Variants in RPTOR observed in about 807,000 individuals in gnomAD.
RPTOR encodes the protein regulatory associated protein of MTOR complex 1.
Under a neutral mutation model 169.9 loss-of-function variants are expected in RPTOR, and 21 were observed. The observed-to-expected ratio is 0.12, with a 90% CI of 0.09 to 0.18. RPTOR has a LOEUF of 0.18. Among genes scored for constraint, RPTOR ranks in the 10% least tolerant of loss-of-function variants. The probability of loss-of-function intolerance (pLI) is 1.00; values close to 1 mark genes in which losing one functional copy is unlikely to be tolerated. For synonymous variants in RPTOR, 732 were observed against 753.2 expected (o/e 0.97, Z 0.46); for missense variants, 1,133 against 1,855.9 (o/e 0.61, Z 7.16).
chr17:80,963,284 G>C (rs1051954051), intron 33 of RPTOR, among the ~76,000 whole-genome samples: 1 of 152,062 alleles, frequency 6.6e-6, no homozygotes, highest in Non-Finnish European at 1.5e-5. Flanking sequence ...GGGAGGAATT[G>C]ACACACAGTG....
chr17:80,597,251 A>G (rs2065150942), intron 1 of RPTOR, among the ~76,000 whole-genome samples: 1 of 152,160 alleles, frequency 6.6e-6, no homozygotes, highest in South Asian at 2.1e-4. Context: ...GGACTTGAAG[A>G]AGGCTGAGAG....
chr17:80,897,829 G>A (rs1458047183), intron 20 of RPTOR, among the ~76,000 whole-genome samples: 1 of 152,160 alleles, frequency 6.6e-6, no homozygotes, highest in Non-Finnish European at 1.5e-5. Flanking sequence ...GGCAGCAGAG[G>A]TTGCAGTGAG....
At chr17:80,870,879 A>G (rs1193485720) in intron 13 of RPTOR, among the ~76,000 whole-genome samples, 12 of 152,366 alleles carry the variant, frequency 7.9e-5, no homozygotes, top group African/African-American at 2.4e-4. Context: ...ACAACAGTCA[A>G]TGAACTTATG....
intron 7 of RPTOR, among the ~76,000 whole-genome samples, chr17:80,794,777 G>A (rs1257054521): frequency 6.6e-6 from 1 of 152,232 alleles, no homozygotes; most frequent in Non-Finnish European, 1.5e-5. Context: ...GTTCCCAGAA[G>A]TATCACACTA....
At chr17:80,709,045 A>C in intron 4 of RPTOR, 1 of 985,432 alleles carries the variant, frequency 1.0e-6, no homozygotes, top group Non-Finnish European at 1.2e-6. Context: ...GTGTGGGCCC[A>C]GAGCAGAGAC....
intron 7 of RPTOR, among the ~76,000 whole-genome samples, chr17:80,808,157 G>A (rs1451221941): frequency 6.6e-6 from 1 of 152,018 alleles, no homozygotes; most frequent in African/African-American, 2.4e-5. Flanking sequence ...AGGCATGATG[G>A]TGTGCACCTG....
At chr17:80,723,427 G>T (rs1317470930) in intron 4 of RPTOR, among the ~76,000 whole-genome samples, 1 of 151,050 alleles carries the variant, frequency 6.6e-6, no homozygotes, top group Non-Finnish European at 1.5e-5. Flanking sequence ...TTATTTACTT[G>T]GTTGTTTGTT....
At position 80,925,384 on chromosome 17, in the gene RPTOR, G is replaced by A. The variant is rs181542338; in HGVS notation, c.2823G>A (p.Ala941=). 3.1e-5 allele frequency: 50 copies of A among 1,613,646 alleles called. No homozygotes were observed. Among genetic ancestry groups the A allele is most frequent in the African/African-American group, 2.5e-4 (19 of 75,046 alleles). Residue 941 remains alanine, a synonymous_variant, in exon 24 of 34, where the codon GCG becomes GCA. Transcript: ENST00000306801. ...DKGPEQTADD[A]DDAAGHKSFI... Reference sequence around the variant, plus strand: ...AAACCCTGAAGACTGCGGACGACGCGGACGATGCTGCTGGACACAAAAGTT... The same window carrying A: ...AAACCCTGAAGACTGCGGACGACGCAGACGATGCTGCTGGACACAAAAGTT...
intron 4 of RPTOR, among the ~76,000 whole-genome samples, chr17:80,716,491 G>C (rs797020384): frequency 2.7e-5 from 4 of 150,456 alleles, no homozygotes; most frequent in African/African-American, 9.8e-5. Flanking sequence ...TGTGTAGATT[G>C]TTAAGATTTT....
chr17:80,711,728 A>ATAGT (rs1466467586), intron 4 of RPTOR, among the ~76,000 whole-genome samples: 1 of 116,414 alleles, frequency 8.6e-6, no homozygotes, highest in Non-Finnish European at 1.7e-5. Context: ...AAGTTAACAT[A>ATAGT]TAGTTATACA....
chr17:80,676,970 G>A (rs747043506), intron 3 of RPTOR, among the ~76,000 whole-genome samples: 6 of 152,166 alleles, frequency 3.9e-5, no homozygotes, highest in Non-Finnish European at 8.8e-5. Context: ...GTAGATCCCG[G>A]AAACCCAAAC....
chr17:80,871,430 T>C (rs1248816356), intron 13 of RPTOR, among the ~76,000 whole-genome samples: 1 of 152,152 alleles, frequency 6.6e-6, no homozygotes, highest in Non-Finnish European at 1.5e-5. Context: ...GGGAGTGCCC[T>C]TCTGGTCCCG....
chr17:80,633,789 A>C lies in RPTOR; in HGVS notation c.265+7996A>C, dbSNP rs975894611. Among the ~76,000 whole-genome samples the C allele has an allele frequency of 3.9e-5, 6 of 152,134 alleles. No individual in the cohort carries two copies. Among genetic ancestry groups the C allele is most frequent in the African/African-American group, 1.4e-4 (6 of 41,406 alleles). ...CATGGCCTCCATTTTCATTCAGTGG[A>C]TTTAGAATCCAGTGTTATCCTTTGG... On this transcript the variant is annotated intron_variant, in intron 2 of 33. Coordinates refer to ENST00000306801, the MANE Select transcript of RPTOR (RefSeq NM_020761.3). This position sits in a 1 kb window ranked among gnomAD's most constrained non-coding sequence, Gnocchi z 4.1.
chr17:80,915,713 C>T (rs2068665454), intron 21 of RPTOR, among the ~76,000 whole-genome samples: 1 of 51,604 alleles, frequency 1.9e-5, no homozygotes. Context: ...AGGGTCTCCT[C>T]TCTGCTGAGA....
rs117958653 is a variant in RPTOR at position 80,901,263 on chromosome 17, G to A, written c.2401+7398G>A. ...GGAAGCACACAGCAGCCTGGGGCCC[G>A]GACACAGGGGCTTGGCCTCCATGAG... On this transcript the variant is annotated intron_variant, in intron 20 of 33. Coordinates refer to ENST00000306801, the MANE Select transcript of RPTOR (RefSeq NM_020761.3). Among the ~76,000 whole-genome samples the A allele has an allele frequency of 6.4e-3, 967 of 152,266 alleles. 10 individuals are homozygous for A. Among genetic ancestry groups the A allele is most frequent in the South Asian group, 0.032 (153 of 4,818 alleles).
At chr17:80,623,239 A>C (rs923442906) in intron 1 of RPTOR, among the ~76,000 whole-genome samples, 2 of 152,236 alleles carry the variant, frequency 1.3e-5, no homozygotes, top group Non-Finnish European at 2.9e-5. Context: ...AGACAGACTT[A>C]TTATTCTTAG....
intron 3 of RPTOR, among the ~76,000 whole-genome samples, chr17:80,664,092 G>A (rs893881012): frequency 2.6e-5 from 4 of 152,126 alleles, no homozygotes; most frequent in African/African-American, 7.2e-5. Flanking sequence ...GTCTGGGAGG[G>A]ACTTGGGTGG....
At chr17:80,868,959 C>T (rs1208507925) in intron 13 of RPTOR, among the ~76,000 whole-genome samples, 1 of 152,062 alleles carries the variant, frequency 6.6e-6, no homozygotes, top group Non-Finnish European at 1.5e-5. Context: ...GGTGGGGGCA[C>T]AGGGGCAGAA....
At chr17:80,912,700 G>A (rs920277834) in intron 21 of RPTOR, among the ~76,000 whole-genome samples, 4 of 152,060 alleles carry the variant, frequency 2.6e-5, no homozygotes, top group Non-Finnish European at 2.9e-5. Context: ...TGGACGGCCC[G>A]CCCCCCTCTC....
Sources: gnomAD v4.1 joint callset for allele counts (sites outside exome capture counted in the v4.1 genomes callset) on GRCh38, gnomAD v4.1.1 for gene constraint, Gnocchi (gnomAD v3.1) non-coding constraint, MANE v1.5 for transcripts, NCBI Gene and HGNC (gene_info 2026-07-23, HGNC 2026-07-21) for gene names.